Variants in ZNF616 observed in about 807,000 individuals in gnomAD.
ZNF616 encodes zinc finger protein 616.
Under a neutral mutation model 7.6 loss-of-function variants are expected in ZNF616, and 5 were observed. The ratio of observed to expected loss-of-function variants is 0.66; its 90% CI spans 0.34 to 1.38. The LOEUF (loss-of-function observed/expected upper bound fraction) is 1.38, where lower values mean the gene tolerates loss of function less well. ZNF616 is among the 40% of genes most tolerant of loss of function. ZNF616 has a pLI of 0.04. For synonymous variants in ZNF616, 319 were observed against 317.2 expected, an observed-to-expected ratio of 1.01 and a Z score of -0.06; for missense variants, 913 against 948.3, an observed-to-expected ratio of 0.96 and a Z score of 0.49.
At chr19:52,135,817 G>A (rs1179056292) in intron 1 of ZNF616, among the ~76,000 whole-genome samples, 1 of 152,208 alleles carries the variant, frequency 6.6e-6, no homozygotes, top group African/African-American at 2.4e-5. Context: ...AAGTCAGGAA[G>A]GGAATGCCTT....
At position 52,114,568 on chromosome 19, in the gene ZNF616, G is replaced by A. The variant is rs1746527150; in HGVS notation, c.*250C>T. The A allele has an allele frequency of 5.0e-6, 2 of 398,566 alleles. No individual in the cohort carries two copies. The highest frequency in any genetic ancestry group is 8.9e-6 in the Non-Finnish European group (2 of 224,072). The allele number at this position is 398,566 out of a possible 1,614,324, so 24.7% of individuals were successfully genotyped here. On this transcript the variant is annotated 3_prime_UTR_variant, in exon 4 of 4. Transcript: ENST00000600228. ...ATGGTGAGAATGAGGGCAAGCGACAGGGAAGTGCTATGCACTTCTAAACAG... is the reference window on the plus strand; with the variant it reads ...ATGGTGAGAATGAGGGCAAGCGACAAGGAAGTGCTATGCACTTCTAAACAG...
At chr19:52,121,434 T>A (rs550031723) in intron 3 of ZNF616, among the ~76,000 whole-genome samples, 35 of 152,242 alleles carry the variant, frequency 2.3e-4, no homozygotes, top group South Asian at 2.1e-3. Flanking sequence ...ATATGTCAAA[T>A]TGGAAATCTC....
chr19:52,126,402 C>A (rs10417108), intron 2 of ZNF616, among the ~76,000 whole-genome samples: 14,142 of 152,018 alleles, frequency 0.093, 2,019 homozygotes, highest in African/African-American at 0.31. Flanking sequence ...GTGGCACATG[C>A]CTGTAATCTG....
In ZNF616 at chr19:52,115,997, G is replaced by T. The variant is rs2122140230; in HGVS notation, c.1167C>A (p.Val389=). 1.2e-6 allele frequency: 2 copies of T among 1,614,004 alleles called. No individual in the cohort carries two copies. The highest frequency in any genetic ancestry group is 4.5e-5 in the East Asian group (2 of 44,878). Residue 389 remains valine (V), a synonymous_variant, in exon 4 of 4, where the codon GTC becomes GTA. Coordinates refer to ENST00000600228, the MANE Select transcript of ZNF616 (RefSeq NM_178523.5). ...CTGCAAGACTTGAACGTTTACTGAA[G>T]ACCTTGCCACATTCATTGCATTTGT... ...KQYKCNECGK[V]FSKRSSLAVH...
chr19:52,134,140 C>T (rs562258058), intron 1 of ZNF616, among the ~76,000 whole-genome samples: 17 of 152,208 alleles, frequency 1.1e-4, no homozygotes, highest in East Asian at 1.9e-4. Context: ...TCATGCTAAA[C>T]GCCACATTAG....
chr19:52,120,138 C>T lies in ZNF616; in HGVS notation c.140-3114G>A, dbSNP rs867377881. Among the ~76,000 whole-genome samples the T allele has an allele frequency of 3.3e-5, 5 of 152,252 alleles. No homozygotes were observed. In the East Asian group the frequency reaches 7.7e-4, roughly 23 times the overall value. On this transcript the variant is annotated intron_variant, in intron 3 of 3. Transcript: ENST00000600228. ...AAATTGTTGTCAAGGTTTAAATACA[C>T]GTTCATGGAGACACAGTATATATGG...
At chr19:52,132,103 A>AT (rs1292925764) in intron 1 of ZNF616, among the ~76,000 whole-genome samples, 1 of 152,226 alleles carries the variant, frequency 6.6e-6, no homozygotes, top group African/African-American at 2.4e-5. Flanking sequence ...TTTCCCTACC[A>AT]TTTTAGGTAA....
At chr19:52,121,358 A>C (rs1011576017) in intron 3 of ZNF616, among the ~76,000 whole-genome samples, 1 of 152,246 alleles carries the variant, frequency 6.6e-6, no homozygotes, top group African/African-American at 2.4e-5. Context: ...AAAACTAGAG[A>C]TCAACAGCAG....
At chr19:52,118,776 T>TA (rs1198564080) in intron 3 of ZNF616, among the ~76,000 whole-genome samples, 1 of 152,208 alleles carries the variant, frequency 6.6e-6, no homozygotes, top group African/African-American at 2.4e-5. Flanking sequence ...GAGTCTTTAC[T>TA]AAAAAACAAT....
chr19:52,123,779 C>T, intron 3 of ZNF616, 144 bp downstream of exon 3: 3 of 923,888 alleles, frequency 3.2e-6, no homozygotes, highest in Non-Finnish European at 4.9e-6. Flanking sequence ...AGTGAAAGGC[C>T]AGATGCAGCA....
intron 2 of ZNF616, among the ~76,000 whole-genome samples, chr19:52,130,270 A>C (rs113650239): frequency 0.03 from 4,525 of 152,246 alleles, 107 homozygotes; most frequent in South Asian, 0.054. Context: ...TCCCAGGACC[A>C]TGCCCAGTGC....
rs751546830 is a variant in ZNF616 at position 52,115,055 on chromosome 19, A to G, written c.2109T>C (p.His703=). The stretch of plus-strand genomic sequence containing the variant: ...TGTGGATTCTCTGGTGACTTACAAG[A>G]TGTGAACTATGCCTGAATACCTTGC... ...ECGKVFRHSS[H]LVSHQRIHTG... Residue 703 remains histidine (H), a synonymous_variant, in exon 4 of 4, where the codon CAT becomes CAC. Coordinates refer to ENST00000600228, the MANE Select transcript of ZNF616 (RefSeq NM_178523.5). 6.2e-7 allele frequency: 1 copy of G among 1,614,140 alleles called. No individual in the cohort carries two copies. The highest frequency in any genetic ancestry group is 2.2e-5 in the East Asian group (1 of 44,882).
rs1017755174 is a variant in ZNF616, at chr19:52,114,563, C to T, written c.*255G>A. On this transcript the variant is annotated 3_prime_UTR_variant, in exon 4 of 4. Transcript: ENST00000600228. Reference sequence around the variant, plus strand: ...TTCACATGGTGAGAATGAGGGCAAGCGACAGGGAAGTGCTATGCACTTCTA... The same window carrying T: ...TTCACATGGTGAGAATGAGGGCAAGTGACAGGGAAGTGCTATGCACTTCTA... 12 of 375,598 alleles carry T rather than the reference C, an allele frequency of 3.2e-5. No individual in the cohort carries two copies. Among genetic ancestry groups the T allele is most frequent in the South Asian group, 6.8e-5 (1 of 14,634 alleles). 23.3% of individuals were successfully genotyped at this position (375,598 alleles called of 1,614,324 possible).
intron 2 of ZNF616, among the ~76,000 whole-genome samples, chr19:52,127,256 T>C (rs998035148): frequency 4.6e-5 from 7 of 152,182 alleles, no homozygotes; most frequent in African/African-American, 1.7e-4. Context: ...GGTTTCACCA[T>C]GTTGGCCAGG....
intron 1 of ZNF616, among the ~76,000 whole-genome samples, chr19:52,134,724 A>G (rs2088992869): frequency 6.6e-6 from 1 of 152,116 alleles, no homozygotes; most frequent in Non-Finnish European, 1.5e-5. Flanking sequence ...TGAGAGTAGA[A>G]AGGAAAAAAT....
At chr19:52,122,050 G>T (rs1270315303) in intron 3 of ZNF616, among the ~76,000 whole-genome samples, 1 of 151,560 alleles carries the variant, frequency 6.6e-6, no homozygotes, top group Non-Finnish European at 1.5e-5. Flanking sequence ...ATAACATGAT[G>T]GACTTGAAAG....
Position 52,115,665 on chromosome 19 carries a change from T to G in ZNF616, c.1499A>C (p.Lys500Thr), listed in dbSNP as rs148129500. Residue 500 changes from lysine (K) to threonine (T), a missense_variant, in exon 4 of 4, where the codon AAG becomes ACG. Transcript: ENST00000600228. ...EKPYKCNECG[K>T]VFSQHSRLAV... ...AAGACGTGAATGTTGACTGAAGACC[T>G]TGCCACATTCATTGCATTTGTAAGG... is the stretch of plus-strand genomic sequence containing the variant. The G allele has an allele frequency of 1.2e-6, 2 of 1,614,092 alleles. No homozygotes were observed. The highest frequency in any genetic ancestry group is 2.7e-5 in the African/African-American group (2 of 74,936).
At position 52,115,276 on chromosome 19, in the gene ZNF616, C is replaced by T. The variant is rs367797613; in HGVS notation, c.1888G>A (p.Glu630Lys). The change falls in exon 4 of 4, where the codon GAG (glutamate) becomes AAG (lysine). Residue 630 changes from glutamate to lysine, a missense_variant. Transcript: ENST00000600228. ...CACTGATTGCATTTGTAAGGTTTCT[C>T]TCCGGTATGAATTCTCTGATGTCTA... is the stretch of plus-strand genomic sequence containing the variant. Reference protein sequence around the residue: ...LNRHQRIHTGEKPYKCNQCGN... With the variant: ...LNRHQRIHTGKKPYKCNQCGN... The T allele has an allele frequency of 6.2e-7, 1 of 1,613,954 alleles. No homozygotes were observed. Among genetic ancestry groups the T allele is most frequent in the Non-Finnish European group, 8.5e-7 (1 of 1,180,022 alleles).
chr19:52,120,065 C>T (rs1016370805), intron 3 of ZNF616, among the ~76,000 whole-genome samples: 11 of 152,028 alleles, frequency 7.2e-5, no homozygotes, highest in East Asian at 1.9e-4. Flanking sequence ...GAAGAAGACA[C>T]GCTGGCAAAA....
Sources: gnomAD v4.1 joint callset for allele counts (sites outside exome capture counted in the v4.1 genomes callset) on GRCh38, gnomAD v4.1.1 for gene constraint, MANE v1.5 for transcripts, NCBI Gene and HGNC (gene_info 2026-07-23, HGNC 2026-07-21) for gene names.